RALGAPB: variants seen among roughly 807,000 people sequenced by gnomAD.
RALGAPB encodes the protein Ral GTPase activating protein non-catalytic subunit beta, also known as ral GTPase-activating protein subunit beta.
A neutral mutation model predicts 161.1 loss-of-function variants in RALGAPB; 25 were observed. That is an observed-to-expected ratio of 0.16 (90% CI 0.11 to 0.22). The LOEUF (loss-of-function observed/expected upper bound fraction) is 0.22. Among genes scored for constraint, RALGAPB ranks in the 10% least tolerant of loss-of-function variants. The pLI, the probability that RALGAPB is intolerant of heterozygous loss-of-function variation, is 1.00. For missense variants in RALGAPB, 1,391 were observed against 1,815.2 expected (o/e 0.77, Z 4.25); for synonymous variants, 629 against 626.1 (o/e 1.00, Z -0.07).
At chr20:38,532,588 C>A (rs879913130) in intron 14 of RALGAPB, 142 bp from the exon 15 acceptor site, 3 of 994,308 alleles carry the variant, frequency 3.0e-6, no homozygotes, top group East Asian at 2.6e-5. Flanking sequence ...TGGTTTTAAT[C>A]CCTTGTCAAT....
At chr20:38,556,749 A>G (rs2087599439) in intron 22 of RALGAPB, among the ~76,000 whole-genome samples, 1 of 152,130 alleles carries the variant, frequency 6.6e-6, no homozygotes, top group African/African-American at 2.4e-5. Context: ...AAAAAAGAAG[A>G]ATGGGGACAT....
At chr20:38,509,293 T>G in intron 6 of RALGAPB, 85 bp downstream of exon 6, 1 of 1,430,784 alleles carries the variant, frequency 7.0e-7, no homozygotes, top group East Asian at 2.3e-5. Flanking sequence ...TTGTTTGAAT[T>G]CAGAAGGTGG....
intron 1 of RALGAPB, among the ~76,000 whole-genome samples, chr20:38,485,103 C>G (rs1023436074): frequency 1.3e-5 from 2 of 152,126 alleles, no homozygotes; most frequent in Non-Finnish European, 2.9e-5. Flanking sequence ...AAAATTCAGT[C>G]TATTAAAATA....
chr20:38,506,209 G>A (rs562979180), intron 5 of RALGAPB, among the ~76,000 whole-genome samples: 15 of 152,240 alleles, frequency 9.9e-5, no homozygotes, highest in African/African-American at 3.1e-4. Context: ...GGGGGCTTGA[G>A]CATCCGTGGA....
intron 5 of RALGAPB, among the ~76,000 whole-genome samples, chr20:38,506,918 A>G (rs1374595793): frequency 3.3e-5 from 5 of 152,222 alleles, no homozygotes; most frequent in African/African-American, 2.4e-5. Flanking sequence ...TGTTAATTCT[A>G]GTATATCACA....
Position 38,549,778 on chromosome 20 carries a change from T to C in RALGAPB, c.3009+983T>C, listed in dbSNP as rs1601021458. Among the ~76,000 whole-genome samples, 3 of 151,830 alleles carry C rather than the reference T, an allele frequency of 2.0e-5. No homozygotes were observed. In the Middle Eastern group the frequency reaches 0.01, roughly 516 times the overall value. On this transcript the variant is annotated intron_variant, in intron 20 of 29. Transcript: ENST00000262879. ...ACCACTGCTAATATTTTATTGGATT[T>C]CCTTCCCTTTTTTTCTTTTCATACA...
At chr20:38,509,363 T>C (rs1055874111) in intron 6 of RALGAPB, among the ~76,000 whole-genome samples, 155 bp downstream of exon 6, 4 of 152,214 alleles carry the variant, frequency 2.6e-5, no homozygotes, top group Non-Finnish European at 5.9e-5. Flanking sequence ...TTCTGTCCTG[T>C]GCCTCCTGCT....
rs971552542 is a variant in RALGAPB at position 38,549,565 on chromosome 20, C to T, written c.3009+770C>T. On this transcript the variant is annotated intron_variant, in intron 20 of 29. Coordinates refer to ENST00000262879, the MANE Select transcript of RALGAPB (RefSeq NM_020336.4). ...AAAAAAAAAAATATATATATATATA[C>T]ACACACACACACATACATATACACA... is the stretch of plus-strand genomic sequence containing the variant. Among the ~76,000 whole-genome samples, 57 of 99,324 alleles carry T rather than the reference C, an allele frequency of 5.7e-4. No individual in the cohort carries two copies. The East Asian group carries it at 6.1e-3, about 11-fold the overall frequency. 65.2% of individuals were successfully genotyped at this position (99,324 alleles called of 152,430 possible). A position where few individuals can be genotyped will look rare whatever the true frequency, so the allele number is the denominator to read the frequency against.
chr20:38,548,200 T>C (rs1047121173), intron 19 of RALGAPB: 7 of 152,494 alleles, frequency 4.6e-5, no homozygotes, highest in Non-Finnish European at 7.3e-5. Flanking sequence ...GATGGAACAG[T>C]GCCTGCCTGT....
chr20:38,497,249 G>A, intron 3 of RALGAPB, 104 bp from the exon 4 acceptor site: 1 of 1,005,504 alleles, frequency 9.9e-7, no homozygotes, highest in South Asian at 1.5e-5. Context: ...TAATATTAGG[G>A]AGCTTCATTG....
chr20:38,569,983 C>T lies in RALGAPB; in HGVS notation c.4050C>T (p.Arg1350=). The change falls in exon 27 of 30, where the codon CGC becomes CGT. Residue 1350 remains arginine, a synonymous_variant. Coordinates refer to ENST00000262879, the MANE Select transcript of RALGAPB (RefSeq NM_020336.4). ...GAGTTTCTGTAGTCTGGGTGGAACG[C>T]TATGATGATATAGGTACTGTATGAG... ...ETRVSVVWVE[R]YDDIENFPLS... The T allele has an allele frequency of 5.0e-6, 8 of 1,611,940 alleles. No individual in the cohort carries two copies. Among genetic ancestry groups the T allele is most frequent in the African/African-American group, 1.3e-5 (1 of 74,946 alleles).
chr20:38,517,552 T>C lies in RALGAPB; in HGVS notation c.1098T>C (p.Asn366=), dbSNP rs2086166611. The C allele has an allele frequency of 2.5e-6, 4 of 1,613,428 alleles. No individual in the cohort carries two copies. Among genetic ancestry groups the C allele is most frequent in the East Asian group, 4.5e-5 (2 of 44,860 alleles). Reference sequence around the variant, plus strand: ...ACAGTGCTCCCCCAACACCCGTGAATAGATTAAGTATGCCTCAAAGTGCTG... The same window carrying C: ...ACAGTGCTCCCCCAACACCCGTGAACAGATTAAGTATGCCTCAAAGTGCTG... ...RSDSAPPTPV[N]RLSMPQSAAV... is the part of the protein sequence containing the mutation. Residue 366 remains asparagine (N), a synonymous_variant, in exon 8 of 30, where the codon AAT becomes AAC. Coordinates refer to ENST00000262879, the MANE Select transcript of RALGAPB (RefSeq NM_020336.4).
intron 16 of RALGAPB, among the ~76,000 whole-genome samples, chr20:38,539,318 G>A (rs2086898604): frequency 6.6e-6 from 1 of 152,204 alleles, no homozygotes; most frequent in African/African-American, 2.4e-5. Context: ...GCTGTCGATT[G>A]TGGTGATAGT....
chr20:38,504,644 C>G (rs934528818), intron 5 of RALGAPB, among the ~76,000 whole-genome samples: 2 of 151,970 alleles, frequency 1.3e-5, no homozygotes, highest in Non-Finnish European at 2.9e-5. Flanking sequence ...AATGGAAAAC[C>G]TACAGAATGG....
intron 7 of RALGAPB, among the ~76,000 whole-genome samples, chr20:38,516,790 A>G (rs1448921952): frequency 6.6e-6 from 1 of 152,240 alleles, no homozygotes; most frequent in Non-Finnish European, 1.5e-5. Flanking sequence ...ATTCTCATGT[A>G]TATCATTAAA....
At chr20:38,517,710 A>G in intron 8 of RALGAPB, 56 bp downstream of exon 8, 1 of 1,606,348 alleles carries the variant, frequency 6.2e-7, no homozygotes, top group Non-Finnish European at 8.5e-7. Context: ...TTAATCTGCC[A>G]TTCTTTTTAT....
At position 38,576,295 on chromosome 20, in the gene RALGAPB, A is replaced by G. The variant is rs1313716227; in HGVS notation, c.*1328A>G. The G allele has an allele frequency of 6.5e-6, 1 of 152,682 alleles. No homozygotes were observed. The highest frequency in any genetic ancestry group is 1.5e-5 in the Non-Finnish European group (1 of 68,044). 9.5% of individuals were successfully genotyped at this position (152,682 alleles called of 1,614,324 possible). A position where few individuals can be genotyped will look rare whatever the true frequency, so the allele number is the denominator to read the frequency against. On this transcript the variant is annotated 3_prime_UTR_variant, in exon 30 of 30. Transcript: ENST00000262879. ...CAAAGAGGAATGATCACAGTTGTAT[A>G]AGGGGTGTTTTCCCACTTGAACTCT...
intron 5 of RALGAPB, among the ~76,000 whole-genome samples, chr20:38,508,240 A>C (rs1282951454): frequency 6.6e-6 from 1 of 152,074 alleles, no homozygotes; most frequent in Non-Finnish European, 1.5e-5. Context: ...AACTAAGATC[A>C]CTGACAGCTG....
At chr20:38,555,288 A>G (rs550057771) in intron 22 of RALGAPB, among the ~76,000 whole-genome samples, 1 of 152,286 alleles carries the variant, frequency 6.6e-6, no homozygotes, top group South Asian at 2.1e-4. Context: ...CTGCCTAGGA[A>G]CTACCTGGTT....
Sources: allele counts gnomAD v4.1 joint callset (sites outside exome capture counted in the v4.1 genomes callset), GRCh38; gene constraint gnomAD v4.1.1; transcripts MANE v1.5; gene names NCBI Gene and HGNC (gene_info 2026-07-23, HGNC 2026-07-21).